The following TMED8 variants were observed in gnomAD, a reference collection of about 807,000 sequenced individuals.
TMED8 encodes protein TMED8.
In TMED8, 15 loss-of-function variants were observed where a neutral mutation model predicts 32.7. That is an observed-to-expected ratio of 0.46 (90% CI 0.31 to 0.71). The LOEUF (loss-of-function observed/expected upper bound fraction) is 0.71, where lower values mean the gene tolerates loss of function less well. Ranked by LOEUF, TMED8 falls within the 30% of genes least tolerant of loss-of-function variation. The pLI, the probability that TMED8 is intolerant of heterozygous loss-of-function variation, is 0.06. For missense variants in TMED8, 390 were observed against 423.9 expected, an observed-to-expected ratio of 0.92 and a Z score of 0.70; for synonymous variants, 147 against 161.4, an observed-to-expected ratio of 0.91 and a Z score of 0.68.
At position 77,338,481 on chromosome 14, in the gene TMED8, T is replaced by A. The variant is rs1892817418; in HGVS notation, c.*3290A>T. ...GCTGACTTCATCTTTTCAGGTAAAG[T>A]TTAACTCTCTCAACCAACTGCCAGT... On this transcript the variant is annotated 3_prime_UTR_variant, in exon 6 of 6. Transcript: ENST00000216468. 6.6e-6 allele frequency: 1 copy of A among 152,210 alleles called. No individual in the cohort carries two copies. Among genetic ancestry groups the A allele is most frequent in the Non-Finnish European group, 1.5e-5 (1 of 68,038 alleles). The allele number at this position is 152,210 out of a possible 1,614,324, so 9.4% of individuals were successfully genotyped here.
intron 1 of TMED8, among the ~76,000 whole-genome samples, chr14:77,363,806 C>T (rs888441916): frequency 6.6e-6 from 1 of 151,972 alleles, no homozygotes; most frequent in African/African-American, 2.4e-5. Flanking sequence ...TAGGTGCATG[C>T]CACCACAGCT....
chr14:77,358,485 G>A (rs1268267142), intron 1 of TMED8, among the ~76,000 whole-genome samples: 1 of 151,884 alleles, frequency 6.6e-6, no homozygotes. Context: ...TTTTAGTAGA[G>A]ACAGGGTTTC....
At chr14:77,375,045 A>G (rs1292567423) in intron 1 of TMED8, among the ~76,000 whole-genome samples, 1 of 152,252 alleles carries the variant, frequency 6.6e-6, no homozygotes, top group East Asian at 1.9e-4. Flanking sequence ...TTCCTCTGTA[A>G]AATGGGAAGA....
chr14:77,349,265 C>T (rs1217681524), intron 2 of TMED8, among the ~76,000 whole-genome samples: 6 of 151,934 alleles, frequency 3.9e-5, no homozygotes, highest in Admixed American at 3.9e-4. Context: ...TACAGGTGTG[C>T]ACCACCATGC....
rs1893802331 is a variant in TMED8 at position 77,375,847 on chromosome 14, C to G, written c.118+1089G>C. Reference sequence around the variant, plus strand: ...GTATAGTGTGTACCATGGACTATACCCCAAATGCCTTAGACAAAGCAGCTC... The same window carrying G: ...GTATAGTGTGTACCATGGACTATACGCCAAATGCCTTAGACAAAGCAGCTC... On this transcript the variant is annotated intron_variant, in intron 1 of 5. Transcript: ENST00000216468. 1.3e-5 allele frequency among the ~76,000 whole-genome samples: 2 copies of G among 152,072 alleles called. 1 individual carries two copies. Among genetic ancestry groups the G allele is most frequent in the South Asian group, 4.1e-4 (2 of 4,824 alleles).
At chr14:77,375,964 C>A (rs1422425212) in intron 1 of TMED8, among the ~76,000 whole-genome samples, 2 of 152,214 alleles carry the variant, frequency 1.3e-5, no homozygotes, top group Admixed American at 1.3e-4. Context: ...CCAATCCAGG[C>A]ACCCTGGCTC....
At chr14:77,370,171 C>CA (rs5809828) in intron 1 of TMED8, among the ~76,000 whole-genome samples, 183 of 137,936 alleles carry the variant, frequency 1.3e-3, no homozygotes, top group South Asian at 3.1e-3. Flanking sequence ...GACTCCGTTT[C>CA]AAAAAAAAAA....
At chr14:77,352,466 C>T (rs188881343) in intron 1 of TMED8, among the ~76,000 whole-genome samples, 193 of 150,794 alleles carry the variant, frequency 1.3e-3, no homozygotes, top group African/African-American at 4.5e-3. Context: ...GGGCCAGGCA[C>T]GGTGGCTCAC....
chr14:77,368,696 C>T (rs1438985831), intron 1 of TMED8, among the ~76,000 whole-genome samples: 2 of 152,104 alleles, frequency 1.3e-5, no homozygotes, highest in Non-Finnish European at 2.9e-5. Context: ...AGGCTGTTCT[C>T]GAACTCCTGA....
intron 3 of TMED8, among the ~76,000 whole-genome samples, chr14:77,344,061 C>T (rs1336595145): frequency 6.6e-6 from 1 of 152,214 alleles, no homozygotes; most frequent in East Asian, 1.9e-4. Context: ...CCTTTTGCAA[C>T]TTTCCTGCTC....
In TMED8 at chr14:77,370,818, G is replaced by A. The variant is rs188337695; in HGVS notation, c.118+6118C>T. Among the ~76,000 whole-genome samples the A allele has an allele frequency of 1.6e-3, 247 of 151,966 alleles. 1 individual carries two copies. The highest frequency in any genetic ancestry group is 5.6e-3 in the African/African-American group (232 of 41,442). On this transcript the variant is annotated intron_variant, in intron 1 of 5. Transcript: ENST00000216468. Reference sequence around the variant, plus strand: ...AATGGGCATGCTTAGGCGTGGTGGTGCGTGCCTGTAATCCCAGCTACTTGA... The same window carrying A: ...AATGGGCATGCTTAGGCGTGGTGGTACGTGCCTGTAATCCCAGCTACTTGA...
chr14:77,357,932 T>C (rs1257932902), intron 1 of TMED8, among the ~76,000 whole-genome samples: 1 of 152,042 alleles, frequency 6.6e-6, no homozygotes, highest in Non-Finnish European at 1.5e-5. Context: ...GAGACCAGCC[T>C]GGCCAACATG....
At chr14:77,368,328 G>T (rs976328053) in intron 1 of TMED8, among the ~76,000 whole-genome samples, 1 of 152,038 alleles carries the variant, frequency 6.6e-6, no homozygotes, top group African/African-American at 2.4e-5. Context: ...AAATTTTTTT[G>T]GGGGGCCATT....
chr14:77,359,218 T>C (rs1303958462), intron 1 of TMED8, among the ~76,000 whole-genome samples: 1 of 152,170 alleles, frequency 6.6e-6, no homozygotes, highest in Non-Finnish European at 1.5e-5. Context: ...CTACAACTTG[T>C]TTTTATCACT....
rs997964976 is a variant in TMED8 at position 77,336,769 on chromosome 14, T to C, written c.*5002A>G. 7 of 152,202 alleles carry C rather than the reference T, an allele frequency of 4.6e-5. No individual in the cohort carries two copies. The highest frequency in any genetic ancestry group is 7.3e-5 in the Non-Finnish European group (5 of 68,042). The allele number at this position is 152,202 out of a possible 1,614,324, so 9.4% of individuals were successfully genotyped here. On this transcript the variant is annotated 3_prime_UTR_variant, in exon 6 of 6. Transcript: ENST00000216468. The stretch of plus-strand genomic sequence containing the variant: ...ATGCTCCACTAAAACAAGTCTCTTA[T>C]GTAAATATTAGGGTCACTCAATTCC...
chr14:77,346,409 C>T lies in TMED8; in HGVS notation c.267G>A (p.Glu89=), dbSNP rs374393727. The change falls in exon 3 of 6, where the codon GAG becomes GAA. Residue 89 remains glutamate, a synonymous_variant. Transcript: ENST00000216468. ...AATCCTGTTTCACCAAGGCCTGAGC[C>T]TCCAAAGGACCAGTTGCTTTCCGCA... ...EDLRKATGPL[E]AQALVKQDLL... The T allele has an allele frequency of 5.0e-5, 81 of 1,614,054 alleles. No homozygotes were observed. Among genetic ancestry groups the T allele is most frequent in the Non-Finnish European group, 6.5e-5 (77 of 1,180,040 alleles).
At chr14:77,347,878 G>A (rs1442944115) in intron 2 of TMED8, among the ~76,000 whole-genome samples, 1 of 152,224 alleles carries the variant, frequency 6.6e-6, no homozygotes, top group Non-Finnish European at 1.5e-5. Context: ...AGTTATCCAA[G>A]TATGGTCTAG....
In TMED8 at chr14:77,337,026, A is replaced by G. The variant is rs1393747921; in HGVS notation, c.*4745T>C. ...GTTCAGATTTCACTCTTCCATATAC[A>G]TATTATAATGGGACAATATACACTT... On this transcript the variant is annotated 3_prime_UTR_variant, in exon 6 of 6. Coordinates refer to ENST00000216468, the MANE Select transcript of TMED8 (RefSeq NM_213601.3). 6.6e-6 allele frequency: 1 copy of G among 152,216 alleles called. No individual in the cohort carries two copies. The highest frequency in any genetic ancestry group is 1.5e-5 in the Non-Finnish European group (1 of 68,046). 9.4% of individuals were successfully genotyped at this position (152,216 alleles called of 1,614,324 possible). A position where few individuals can be genotyped will look rare whatever the true frequency, so the allele number is the denominator to read the frequency against.
In TMED8 at chr14:77,343,349, T is replaced by G. The variant is rs766374589; in HGVS notation, c.589A>C (p.Thr197Pro). 1.2e-6 allele frequency: 2 copies of G among 1,613,964 alleles called. No homozygotes were observed. The highest frequency in any genetic ancestry group is 1.7e-6 in the Non-Finnish European group (2 of 1,179,994). ...RGEVVTIRVP[T>P]HPEGKRVCWE... is the part of the protein sequence containing the mutation. ...CAGACACGCTTCCCCTCTGGATGAG[T>G]AGGTACCCGGATGGTCACCACCTCA... The change falls in exon 5 of 6, where the codon ACT (threonine) becomes CCT (proline). Residue 197 changes from threonine to proline, a missense_variant. Physicochemically the swap from Thr to Pro is conservative, Grantham distance 38. Transcript: ENST00000216468.
Sources: gnomAD v4.1 joint callset for allele counts (sites outside exome capture counted in the v4.1 genomes callset) on GRCh38, gnomAD v4.1.1 for gene constraint, MANE v1.5 for transcripts, NCBI Gene and HGNC (gene_info 2026-07-23, HGNC 2026-07-21) for gene names.